Variants in SBNO2 observed in about 807,000 individuals in gnomAD.
SBNO2 encodes the protein protein strawberry notch homolog 2.
SBNO2 carries 89 observed loss-of-function variants against 146.3 expected under a neutral mutation model. That is an observed-to-expected ratio of 0.61 (90% CI 0.51 to 0.73). The LOEUF is 0.73. SBNO2 is among the 30% of genes least tolerant of loss of function. SBNO2 has a pLI of 0.00. For missense variants in SBNO2, 2,092 were observed against 2,003.7 expected (o/e 1.04, Z -0.84); for synonymous variants, 1,147 against 892.6 (o/e 1.29, Z -5.08).
chr19:1,122,236 G>C lies in SBNO2; in HGVS notation c.1052C>G (p.Thr351Ser), dbSNP rs1180515181. 2.1e-5 allele frequency: 33 copies of C among 1,579,834 alleles called. No individual in the cohort carries two copies. The highest frequency in any genetic ancestry group is 2.7e-5 in the Non-Finnish European group (31 of 1,163,614). ...TTTSEGVLFA[T>S]YSALIGESQA... ...GCTCTCCCCAATCAGGGCGGAGTAGGTGGCGAAGAGGACGCCCTCTGAGGT... is the reference window on the plus strand; with the variant it reads ...GCTCTCCCCAATCAGGGCGGAGTAGCTGGCGAAGAGGACGCCCTCTGAGGT... Residue 351 changes from threonine to serine, a missense_variant, in exon 11 of 32, where the codon ACC (threonine) becomes AGC (serine). Coordinates refer to ENST00000361757, the MANE Select transcript of SBNO2 (RefSeq NM_014963.3).
rs1015594133 is a variant in SBNO2 at position 1,136,986 on chromosome 19, G to C, written c.280-9221C>G. Among the ~76,000 whole-genome samples the C allele has an allele frequency of 6.6e-6, 1 of 151,410 alleles. No individual in the cohort carries two copies. Among genetic ancestry groups the C allele is most frequent in the African/African-American group, 2.4e-5 (1 of 41,138 alleles). On this transcript the variant is annotated intron_variant, in intron 4 of 31. Coordinates refer to ENST00000361757, the MANE Select transcript of SBNO2 (RefSeq NM_014963.3). This position sits in a 1 kb window ranked among gnomAD's most constrained non-coding sequence, Gnocchi z 4.2. ...GTGGTGGGCAAGGGGGCAGCACCTG[G>C]GGAATGGGGATGGGCTGTGGGTGCC...
chr19:1,159,971 C>T (rs546935329), intron 1 of SBNO2, among the ~76,000 whole-genome samples: 63 of 152,160 alleles, frequency 4.1e-4, no homozygotes, highest in African/African-American at 9.9e-4. Flanking sequence ...GAGTGTCCGG[C>T]GCTGCCCCTG....
chr19:1,109,507 T>A lies in SBNO2; in HGVS notation c.3215A>T (p.Lys1072Met). The change falls in exon 28 of 32, where the codon AAG (lysine) becomes ATG (methionine). Residue 1072 changes from lysine (K) to methionine (M), a missense_variant and splice_region_variant. Lys to Met is a moderately conservative substitution (Grantham distance 95, BLOSUM62 -1). Transcript: ENST00000361757. This position sits in a 1 kb window ranked among gnomAD's most constrained non-coding sequence, Gnocchi z 4.2. ...GPYDGFYLSYKVRGNKPSCLL... is the reference protein window; with the variant it reads ...GPYDGFYLSYMVRGNKPSCLL... Reference sequence around the variant, plus strand: ...GGGGGTAACCCCGCCCGACCCCACCTTGTAGGAGAGGTAGAAGCCGTCATA... The same window carrying A: ...GGGGGTAACCCCGCCCGACCCCACCATGTAGGAGAGGTAGAAGCCGTCATA... 6.3e-7 allele frequency: 1 copy of A among 1,595,100 alleles called. No individual in the cohort carries two copies. The highest frequency in any genetic ancestry group is 8.5e-7 in the Non-Finnish European group (1 of 1,172,278).
Position 1,158,376 on chromosome 19 carries a change from G to A in SBNO2, c.-126-3974C>T, listed in dbSNP as rs1470064028. On this transcript the variant is annotated intron_variant, in intron 1 of 31. Transcript: ENST00000361757. The surrounding 1 kb of genome is among the most constrained non-coding windows in gnomAD (Gnocchi z 9.9). ...ATGTGGACACGGAGGCCCCTAGGTG[G>A]AGCCTTGACGTGACCCCCAGAGCCA... 6.6e-6 allele frequency among the ~76,000 whole-genome samples: 1 copy of A among 152,160 alleles called. No homozygotes were observed. Among genetic ancestry groups the A allele is most frequent in the Non-Finnish European group, 1.5e-5 (1 of 68,022 alleles).
rs547687245 is a variant in SBNO2, at chr19:1,127,509, G to T, written c.441+95C>A. Reference sequence around the variant, plus strand: ...AGGCACAGCCATTGGCACGCAGAGTGGGGGAGACTGAGACCTCACTGGACC... The same window carrying T: ...AGGCACAGCCATTGGCACGCAGAGTTGGGGAGACTGAGACCTCACTGGACC... On this transcript the variant is annotated intron_variant, in intron 5 of 31. Coordinates refer to ENST00000361757, the MANE Select transcript of SBNO2 (RefSeq NM_014963.3). 21 of 1,175,834 alleles carry T rather than the reference G, an allele frequency of 1.8e-5. 1 individual carries two copies. Among genetic ancestry groups the T allele is most frequent in the Middle Eastern group, 5.5e-4 (2 of 3,612 alleles). The allele number at this position is 1,175,834 out of a possible 1,614,324, so 72.8% of individuals were successfully genotyped here.
chr19:1,130,527 C>G (rs1292819261), intron 4 of SBNO2, among the ~76,000 whole-genome samples: 1 of 150,990 alleles, frequency 6.6e-6, no homozygotes, highest in African/African-American at 2.4e-5. Flanking sequence ...GGCGTAGTGG[C>G]TCATGCCTGT....
intron 3 of SBNO2, 21 bp from the exon 4 acceptor site, chr19:1,147,441 G>GGGGC: frequency 1.7e-6 from 2 of 1,203,570 alleles, no homozygotes; most frequent in Non-Finnish European, 2.3e-6. Context: ...ATGGGGGGGG[G>GGGGC]GGAGGTGAGA....
rs2080505498 is a variant in SBNO2, at chr19:1,173,913, GC to G, written c.-127+258del. ...GGGTTAAGGTTCACGGCAGGGGGTC[GC>G]CGGGGGGCGGGGGGGCAGGTCAAGG... On this transcript the variant is annotated intron_variant, in intron 1 of 31. Transcript: ENST00000361757. The surrounding 1 kb of genome is among the most constrained non-coding windows in gnomAD (Gnocchi z 4.7). 1 of 147,906 alleles carries G rather than the reference GC, an allele frequency of 6.8e-6. No homozygotes were observed. The highest frequency in any genetic ancestry group is 1.5e-5 in the Non-Finnish European group (1 of 66,454). The allele number at this position is 147,906 out of a possible 1,614,324, so 9.2% of individuals were successfully genotyped here.
Position 1,113,666 on chromosome 19 carries a change from C to T in SBNO2, c.2116G>A (p.Gly706Arg), listed in dbSNP as rs749307165. Residue 706 changes from glycine (G) to arginine (R), a missense_variant, in exon 19 of 32, where the codon GGG becomes AGG. Transcript: ENST00000361757. ...AGCCGCTCCACCCGCTCCAGGACCC[C>T]GGGGCCATGCGGGTCTCTCTGCAGG... ...CLLQRDPHGPGVLERVERLKQ... is the reference protein window; with the variant it reads ...CLLQRDPHGPRVLERVERLKQ... The T allele has an allele frequency of 1.3e-6, 2 of 1,592,866 alleles. No homozygotes were observed. Among genetic ancestry groups the T allele is most frequent in the East Asian group, 2.4e-5 (1 of 42,386 alleles).
chr19:1,113,656 T>C lies in SBNO2; in HGVS notation c.2126A>G (p.Glu709Gly). Residue 709 changes from glutamate to glycine, a missense_variant, in exon 19 of 32, where the codon GAG becomes GGG. Glu to Gly is a moderately conservative substitution (Grantham distance 98, BLOSUM62 -2). Coordinates refer to ENST00000361757, the MANE Select transcript of SBNO2 (RefSeq NM_014963.3). The part of the protein sequence containing the change: ...QRDPHGPGVL[E>G]RVERLKQDLL... ...ATCCTGCTTCAGCCGCTCCACCCGC[T>C]CCAGGACCCCGGGGCCATGCGGGTC... The C allele has an allele frequency of 1.3e-6, 2 of 1,597,072 alleles. No homozygotes were observed. The highest frequency in any genetic ancestry group is 1.7e-6 in the Non-Finnish European group (2 of 1,172,992).
intron 4 of SBNO2, among the ~76,000 whole-genome samples, chr19:1,133,137 G>A (rs994576555): frequency 2.0e-5 from 3 of 152,160 alleles, no homozygotes; most frequent in Non-Finnish European, 2.9e-5. Flanking sequence ...GGCCAGAGGG[G>A]GTGGGAGGAC....
At position 1,149,373 on chromosome 19, in the gene SBNO2, T is replaced by C. The variant is rs1164206205; in HGVS notation, c.163A>G (p.Ser55Gly). 1.3e-6 allele frequency: 2 copies of C among 1,551,952 alleles called. No homozygotes were observed. Among genetic ancestry groups the C allele is most frequent in the Non-Finnish European group, 1.7e-6 (2 of 1,147,874 alleles). ...GGGGAGGGTCCCGGTACTCACCGGCTGTCGCTGGAGAAGGCAGGGTATGGC... is the reference window on the plus strand; with the variant it reads ...GGGGAGGGTCCCGGTACTCACCGGCCGTCGCTGGAGAAGGCAGGGTATGGC... ...LPPYPAFSSD[S>G]RPFMSSASFL... Residue 55 changes from serine to glycine, a missense_variant, in exon 3 of 32, where the codon AGC becomes GGC. By Grantham distance (56) the Ser-to-Gly change is moderately conservative (BLOSUM62 0). Transcript: ENST00000361757.
Position 1,109,083 on chromosome 19 carries a change from C to G in SBNO2, c.3425+52G>C. The G allele has an allele frequency of 1.3e-6, 2 of 1,539,536 alleles. 1 individual carries two copies. The highest frequency in any genetic ancestry group is 2.4e-5 in the South Asian group (2 of 83,472). On this transcript the variant is annotated intron_variant, in intron 30 of 31. Coordinates refer to ENST00000361757, the MANE Select transcript of SBNO2 (RefSeq NM_014963.3). This position sits in a 1 kb window ranked among gnomAD's most constrained non-coding sequence, Gnocchi z 4.2. ...GGGTCTCGGGAGCCCCCGATCCCCG[C>G]CTGGGTCGCCGCCATCTGCCGGTTT...
Position 1,158,748 on chromosome 19 carries a change from G to A in SBNO2, c.-126-4346C>T, listed in dbSNP as rs1053039766. Among the ~76,000 whole-genome samples, 1 of 152,202 alleles carries A rather than the reference G, an allele frequency of 6.6e-6. No individual in the cohort carries two copies. Among genetic ancestry groups the A allele is most frequent in the African/African-American group, 2.4e-5 (1 of 41,440 alleles). ...CGGGCAGGCACAAGGCGCTCCCTGC[G>A]TCCCAGGACCTGAAGATGGCAAGGA... On this transcript the variant is annotated intron_variant, in intron 1 of 31. Coordinates refer to ENST00000361757, the MANE Select transcript of SBNO2 (RefSeq NM_014963.3). This position sits in a 1 kb window ranked among gnomAD's most constrained non-coding sequence, Gnocchi z 9.9.
At position 1,122,927 on chromosome 19, in the gene SBNO2, G is replaced by C; in HGVS notation, c.747C>G (p.Ala249=). The C allele has an allele frequency of 3.2e-6, 5 of 1,556,604 alleles. No individual in the cohort carries two copies. Among genetic ancestry groups the C allele is most frequent in the Non-Finnish European group, 4.3e-6 (5 of 1,150,826 alleles). The change falls in exon 8 of 32, where the codon GCC becomes GCG. Residue 249 remains alanine (A), a synonymous_variant. Coordinates refer to ENST00000361757, the MANE Select transcript of SBNO2 (RefSeq NM_014963.3). ...CGTAGGTGATGGCCTCTAGCTGCAG[G>C]GCAGACAGGGCCCCGCTGTCCGAGG... ...ALPSDSGALS[A]LQLEAITYAC... is the part of the protein sequence containing the mutation.
chr19:1,147,542 C>A lies in SBNO2; in HGVS notation c.168-122G>T. The A allele has an allele frequency of 7.2e-6, 4 of 556,902 alleles. No individual in the cohort carries two copies. The South Asian group carries it at 1.0e-4, about 14-fold the overall frequency. The allele number at this position is 556,902 out of a possible 1,614,324, so 34.5% of individuals were successfully genotyped here. On this transcript the variant is annotated intron_variant, in intron 3 of 31. Coordinates refer to ENST00000361757, the MANE Select transcript of SBNO2 (RefSeq NM_014963.3). ...CGAGGCCCCACTGGAGTGTGCCCAG[C>A]CCGGCAGGACCCATGGCCCCGCTGC... is the stretch of plus-strand genomic sequence containing the variant.
Position 1,112,064 on chromosome 19 carries a change from C to A in SBNO2, c.2632G>T (p.Ala878Ser). 6.2e-7 allele frequency: 1 copy of A among 1,612,358 alleles called. No homozygotes were observed. Among genetic ancestry groups the A allele is most frequent in the Non-Finnish European group, 8.5e-7 (1 of 1,179,706 alleles). Residue 878 changes from alanine (A) to serine (S), a missense_variant, in exon 23 of 32, where the codon GCC becomes TCC. Physicochemically the swap from Ala to Ser is moderately conservative, Grantham distance 99. Coordinates refer to ENST00000361757, the MANE Select transcript of SBNO2 (RefSeq NM_014963.3). The surrounding 1 kb of genome is among the most constrained non-coding windows in gnomAD (Gnocchi z 5.9). The part of the protein sequence containing the change: ...IVAKRLESLG[A>S]LTHGDRRATE... ...GCGCGGCGGTCTCCGTGGGTCAGGG[C>A]CCCCTGCCAGGGGTGGGGAGGCCAT...
rs1356712451 is a variant in SBNO2, at chr19:1,109,496, C to G, written c.3216+10G>C. 9 of 1,588,096 alleles carry G rather than the reference C, an allele frequency of 5.7e-6. No individual in the cohort carries two copies. The highest frequency in any genetic ancestry group is 7.7e-6 in the Non-Finnish European group (9 of 1,168,856). ...CCCTCCTCTGGGGGGGTAACCCCGC[C>G]CGACCCCACCTTGTAGGAGAGGTAG... On this transcript the variant is annotated intron_variant, in intron 28 of 31. Coordinates refer to ENST00000361757, the MANE Select transcript of SBNO2 (RefSeq NM_014963.3). The surrounding 1 kb of genome is among the most constrained non-coding windows in gnomAD (Gnocchi z 4.2).
At chr19:1,165,071 G>A (rs1463920182) in intron 1 of SBNO2, among the ~76,000 whole-genome samples, 1 of 152,012 alleles carries the variant, frequency 6.6e-6, no homozygotes, top group Non-Finnish European at 1.5e-5. Flanking sequence ...CAAACAAGGC[G>A]TCCAGCCCGA....
Sources: allele counts gnomAD v4.1 joint callset (sites outside exome capture counted in the v4.1 genomes callset), GRCh38; gene constraint gnomAD v4.1.1; non-coding constraint Gnocchi (gnomAD v3.1); transcripts MANE v1.5; gene names NCBI Gene and HGNC (gene_info 2026-07-23, HGNC 2026-07-21).